The following OPCML variants were observed in gnomAD, a reference collection of about 807,000 sequenced individuals.
OPCML encodes the protein opioid binding protein/cell adhesion molecule like, also known as opioid-binding protein/cell adhesion molecule.
Under a neutral mutation model 37.8 loss-of-function variants are expected in OPCML, and 13 were observed. That is an observed-to-expected ratio of 0.34 (90% confidence interval 0.22 to 0.55). The LOEUF (loss-of-function observed/expected upper bound fraction) is 0.55, where lower values mean the gene tolerates loss of function less well. Among genes scored for constraint, OPCML ranks in the 20% least tolerant of loss-of-function variants. The pLI, the probability that OPCML is intolerant of heterozygous loss-of-function variation, is 0.91. For synonymous variants in OPCML, 176 were observed against 168.8 expected (o/e 1.04, Z -0.33); for missense variants, 341 against 435.6 (o/e 0.78, Z 1.93).
At chr11:133,266,901 G>A (rs1941677453) in intron 1 of OPCML, among the ~76,000 whole-genome samples, 1 of 152,150 alleles carries the variant, frequency 6.6e-6, no homozygotes. Flanking sequence ...GTGATGAGAT[G>A]TCCTCAGGGC....
chr11:132,675,177 GTGTGTATA>G (rs1260564870), intron 2 of OPCML, among the ~76,000 whole-genome samples: 3 of 103,530 alleles, frequency 2.9e-5, no homozygotes, highest in Non-Finnish European at 4.1e-5. Flanking sequence ...GTGTGTGTGT[GTGTGTATA>G]TATATATATA....
chr11:133,149,283 C>T (rs556878065), intron 1 of OPCML, among the ~76,000 whole-genome samples: 9 of 152,166 alleles, frequency 5.9e-5, no homozygotes, highest in South Asian at 2.1e-4. Flanking sequence ...GCAGGTCCTA[C>T]GGGAGATTCA....
intron 1 of OPCML, among the ~76,000 whole-genome samples, chr11:133,379,242 G>C (rs1169685362): frequency 2.0e-5 from 3 of 152,164 alleles, no homozygotes; most frequent in Non-Finnish European, 4.4e-5. Flanking sequence ...ACACACTAAT[G>C]ATTTGTTCTA....
At chr11:133,388,680 T>C (rs1945107766) in intron 1 of OPCML, among the ~76,000 whole-genome samples, 1 of 152,218 alleles carries the variant, frequency 6.6e-6, no homozygotes, top group Non-Finnish European at 1.5e-5. Context: ...CTGCTCTGCA[T>C]GGGTTCATTT....
At chr11:133,445,571 C>T (rs987006109) in intron 1 of OPCML, among the ~76,000 whole-genome samples, 4 of 152,152 alleles carry the variant, frequency 2.6e-5, no homozygotes, top group Non-Finnish European at 5.9e-5. Context: ...TTGCTGTTTC[C>T]ACACCTTGCA....
intron 7 of OPCML, among the ~76,000 whole-genome samples, chr11:132,424,984 G>A (rs2095973326): frequency 1.3e-5 from 2 of 152,216 alleles, no homozygotes; most frequent in Admixed American, 1.3e-4. Flanking sequence ...GGGCTCTGGA[G>A]GATGTGGGGC....
intron 1 of OPCML, among the ~76,000 whole-genome samples, chr11:133,449,250 A>G (rs779331352): frequency 9.2e-5 from 14 of 152,222 alleles, no homozygotes; most frequent in Non-Finnish European, 1.3e-4. Flanking sequence ...TTTTTCTGCA[A>G]AAGGACAGAG....
intron 2 of OPCML, among the ~76,000 whole-genome samples, chr11:132,856,285 C>T (rs1395804410): frequency 6.6e-6 from 1 of 152,136 alleles, no homozygotes; most frequent in Non-Finnish European, 1.5e-5. Flanking sequence ...GGGAAAGTGG[C>T]ATGATGGCTA....
At chr11:133,254,331 A>G (rs1025419451) in intron 1 of OPCML, among the ~76,000 whole-genome samples, 3 of 152,216 alleles carry the variant, frequency 2.0e-5, no homozygotes, top group African/African-American at 7.2e-5. Flanking sequence ...CCCTGTTCAC[A>G]CAGCTACAGA....
chr11:132,478,631 T>C (rs562592883), intron 4 of OPCML, among the ~76,000 whole-genome samples: 1 of 152,256 alleles, frequency 6.6e-6, no homozygotes, highest in African/African-American at 2.4e-5. Context: ...GAGTGAATCC[T>C]TTCCACTTAC....
chr11:132,648,628 A>G (rs546814722), intron 3 of OPCML, among the ~76,000 whole-genome samples: 1 of 150,958 alleles, frequency 6.6e-6, no homozygotes, highest in African/African-American at 2.4e-5. Context: ...CAGCCTCCTG[A>G]GTAGCTGGGA....
At chr11:133,348,017 A>C (rs1018482807) in intron 1 of OPCML, among the ~76,000 whole-genome samples, 1 of 152,162 alleles carries the variant, frequency 6.6e-6, no homozygotes, top group Non-Finnish European at 1.5e-5. Flanking sequence ...ACCCTGTTAC[A>C]TCTGACCCTT....
chr11:132,911,476 C>A (rs150138006), intron 2 of OPCML, among the ~76,000 whole-genome samples: 1 of 152,192 alleles, frequency 6.6e-6, no homozygotes, highest in African/African-American at 2.4e-5. Context: ...CAAGACATCC[C>A]GAGGAGAGTT....
At chr11:132,865,012 G>A (rs1456871591) in intron 2 of OPCML, among the ~76,000 whole-genome samples, 1 of 152,190 alleles carries the variant, frequency 6.6e-6, no homozygotes, top group Non-Finnish European at 1.5e-5. Context: ...GCCGGCACTT[G>A]GGCATTAGCT....
intron 1 of OPCML, among the ~76,000 whole-genome samples, chr11:133,117,015 G>T (rs1247687152): frequency 6.6e-6 from 1 of 151,638 alleles, no homozygotes; most frequent in African/African-American, 2.4e-5. Flanking sequence ...CACTTATTCT[G>T]TTATCTATTT....
intron 1 of OPCML, among the ~76,000 whole-genome samples, chr11:133,017,632 G>T (rs534906338): frequency 6.6e-6 from 1 of 152,222 alleles, no homozygotes; most frequent in East Asian, 1.9e-4. Flanking sequence ...CAGGTGATCT[G>T]CCCTCCTCGG....
chr11:133,179,720 C>A (rs1937732297), intron 1 of OPCML, among the ~76,000 whole-genome samples: 1 of 152,126 alleles, frequency 6.6e-6, no homozygotes, highest in South Asian at 2.1e-4. Flanking sequence ...CACAAAAGTC[C>A]AAGTCAGGAA....
chr11:132,543,405 C>T (rs916964665), intron 3 of OPCML, among the ~76,000 whole-genome samples: 9 of 151,902 alleles, frequency 5.9e-5, no homozygotes, highest in Admixed American at 2.0e-4. Context: ...CCTGATTACT[C>T]GGGAGACTGA....
At chr11:132,974,733 C>T (rs1278742760) in intron 1 of OPCML, among the ~76,000 whole-genome samples, 1 of 152,128 alleles carries the variant, frequency 6.6e-6, no homozygotes, top group Non-Finnish European at 1.5e-5. Context: ...AATGGGTATT[C>T]TTAAACCTTC....
Sources: allele counts gnomAD v4.1 joint callset (sites outside exome capture counted in the v4.1 genomes callset), GRCh38; gene constraint gnomAD v4.1.1; transcripts MANE v1.5; gene names NCBI Gene and HGNC (gene_info 2026-07-23, HGNC 2026-07-21).